The following WWOX variants were observed in gnomAD, a reference collection of about 807,000 sequenced individuals.
WWOX encodes WW domain-containing oxidoreductase.
Under a neutral mutation model 46.2 loss-of-function variants are expected in WWOX, and 69 were observed. The ratio of observed to expected loss-of-function variants is 1.49; its 90% CI spans 1.23 to 1.82. The LOEUF (loss-of-function observed/expected upper bound fraction) is 1.82, where lower values mean the gene tolerates loss of function less well. Ranked by LOEUF, WWOX falls within the 40% of genes most tolerant of loss-of-function variation. The probability of loss-of-function intolerance (pLI) is 0.00; values close to 1 mark genes in which losing one functional copy is unlikely to be tolerated. For missense variants in WWOX, 919 were observed against 542.6 expected, an observed-to-expected ratio of 1.69 and a Z score of -6.89; for synonymous variants, 359 against 202.6, an observed-to-expected ratio of 1.77 and a Z score of -6.56.
chr16:78,388,800 T>A (rs1167924279), intron 6 of WWOX, among the ~76,000 whole-genome samples: 1 of 151,120 alleles, frequency 6.6e-6, no homozygotes, highest in Non-Finnish European at 1.5e-5. Context: ...TAAAACCCCG[T>A]CTCTACTAAA....
chr16:78,530,503 C>A (rs569217732), intron 8 of WWOX, among the ~76,000 whole-genome samples: 2 of 152,228 alleles, frequency 1.3e-5, no homozygotes, highest in Non-Finnish European at 2.9e-5. Context: ...TTCTCTCCAA[C>A]TGTGGTCTCT....
intron 8 of WWOX, among the ~76,000 whole-genome samples, chr16:78,709,604 G>C (rs966204640): frequency 2.0e-5 from 3 of 152,174 alleles, no homozygotes; most frequent in African/African-American, 7.2e-5. Flanking sequence ...AGGTGAGCGT[G>C]CTGTGGGTAC....
intron 8 of WWOX, among the ~76,000 whole-genome samples, chr16:78,878,773 G>C (rs922256643): frequency 6.6e-6 from 1 of 151,932 alleles, no homozygotes; most frequent in African/African-American, 2.4e-5. Context: ...AAATTTACCA[G>C]GCCAGGCTTA....
chr16:78,717,307 C>T (rs1037168764), intron 8 of WWOX, among the ~76,000 whole-genome samples: 2 of 152,150 alleles, frequency 1.3e-5, no homozygotes, highest in African/African-American at 2.4e-5. Context: ...GGAGAGACAG[C>T]ATAATAATTA....
intron 8 of WWOX, among the ~76,000 whole-genome samples, chr16:78,764,459 G>A (rs142751258): frequency 5.3e-4 from 80 of 150,348 alleles, no homozygotes; most frequent in African/African-American, 1.8e-3. Context: ...CTGGGAGTGG[G>A]TTTGTAAAAT....
chr16:78,866,808 A>G (rs1248266352), intron 8 of WWOX, among the ~76,000 whole-genome samples: 1 of 152,222 alleles, frequency 6.6e-6, no homozygotes, highest in African/African-American at 2.4e-5. Flanking sequence ...CTAGGACCAT[A>G]TCCAAATTAC....
intron 8 of WWOX, among the ~76,000 whole-genome samples, chr16:78,653,305 A>C (rs1272706910): frequency 6.6e-6 from 1 of 152,208 alleles, no homozygotes; most frequent in African/African-American, 2.4e-5. Context: ...TTTGGACACT[A>C]TTTTAAAAAA....
chr16:78,546,986 G>T (rs1244097343), intron 8 of WWOX, among the ~76,000 whole-genome samples: 1 of 151,814 alleles, frequency 6.6e-6, no homozygotes, highest in African/African-American at 2.4e-5. Flanking sequence ...AAATTAGCTG[G>T]GCATGGTAGT....
At chr16:78,447,557 C>G (rs1597098654) in intron 8 of WWOX, among the ~76,000 whole-genome samples, 1 of 152,154 alleles carries the variant, frequency 6.6e-6, no homozygotes, top group African/African-American at 2.4e-5. Flanking sequence ...AGGTAAATAT[C>G]CGCATACATG....
intron 8 of WWOX, among the ~76,000 whole-genome samples, chr16:79,045,265 A>G (rs754247704): frequency 9.2e-5 from 14 of 152,218 alleles, no homozygotes; most frequent in Non-Finnish European, 1.5e-4. Flanking sequence ...AGAATTAAAT[A>G]TGCAGCCTCT....
intron 8 of WWOX, among the ~76,000 whole-genome samples, chr16:78,814,868 C>A (rs527496207): frequency 6.6e-6 from 1 of 152,190 alleles, no homozygotes; most frequent in African/African-American, 2.4e-5. Flanking sequence ...CTCTCGCGTG[C>A]GGTCTGTGCA....
At chr16:78,578,247 C>A in intron 8 of WWOX, among the ~76,000 whole-genome samples, 1 of 67,214 alleles carries the variant, frequency 1.5e-5, no homozygotes. Flanking sequence ...TATGTGCATA[C>A]CAAATTTTAT....
intron 8 of WWOX, among the ~76,000 whole-genome samples, chr16:78,499,055 T>C (rs944433891): frequency 6.6e-6 from 1 of 152,250 alleles, no homozygotes; most frequent in African/African-American, 2.4e-5. Flanking sequence ...ATGGTTTTAT[T>C]GTAGTTTCAT....
At chr16:78,895,021 G>T (rs1267042065) in intron 8 of WWOX, among the ~76,000 whole-genome samples, 3 of 152,164 alleles carry the variant, frequency 2.0e-5, no homozygotes, top group Non-Finnish European at 4.4e-5. Context: ...CCGGGCACCG[G>T]TTTACGAGAA....
intron 8 of WWOX, among the ~76,000 whole-genome samples, chr16:78,528,653 A>T (rs2043540981): frequency 6.6e-6 from 1 of 152,134 alleles, no homozygotes; most frequent in Admixed American, 6.5e-5. Flanking sequence ...TCTTCTAAGC[A>T]CTTCTTAGGT....
intron 8 of WWOX, among the ~76,000 whole-genome samples, chr16:78,780,902 G>A (rs1200765431): frequency 6.6e-6 from 1 of 152,210 alleles, no homozygotes; most frequent in African/African-American, 2.4e-5. Flanking sequence ...CTGTCTGGCT[G>A]CCTTGGGGAG....
At chr16:78,269,429 C>G (rs559048551) in intron 5 of WWOX, among the ~76,000 whole-genome samples, 1 of 152,260 alleles carries the variant, frequency 6.6e-6, no homozygotes, top group Non-Finnish European at 1.5e-5. Flanking sequence ...GCTGATGGCT[C>G]CTGCAGCAGC....
At chr16:78,962,325 TTAA>T (rs1457262852) in intron 8 of WWOX, among the ~76,000 whole-genome samples, 2 of 75,738 alleles carry the variant, frequency 2.6e-5, no homozygotes, top group Admixed American at 1.7e-4. Context: ...TTTTTTTTTT[TTAA>T]AAAAAAAAAA....
chr16:78,871,914 C>G (rs1325520358), intron 8 of WWOX, among the ~76,000 whole-genome samples: 1 of 152,180 alleles, frequency 6.6e-6, no homozygotes, highest in African/African-American at 2.4e-5. Context: ...TGGGCCCCTC[C>G]TTTCTGGCCC....
Sources: gnomAD v4.1 joint callset for allele counts (sites outside exome capture counted in the v4.1 genomes callset) on GRCh38, gnomAD v4.1.1 for gene constraint, MANE v1.5 for transcripts, NCBI Gene and HGNC (gene_info 2026-07-23, HGNC 2026-07-21) for gene names.